MTUS2: variants seen among roughly 807,000 people sequenced by gnomAD.
The protein encoded by MTUS2 is microtubule-associated tumor suppressor candidate 2.
In MTUS2, 40 loss-of-function variants were observed where a neutral mutation model predicts 114.1. The observed-to-expected ratio is 0.35, with a 90% CI of 0.27 to 0.46. The LOEUF is 0.46. Ranked by LOEUF, MTUS2 falls within the 20% of genes least tolerant of loss-of-function variation. The pLI is 1.00. For synonymous variants in MTUS2, 688 were observed against 672.0 expected, an observed-to-expected ratio of 1.02 and a Z score of -0.37; for missense variants, 1,679 against 1,705.4, an observed-to-expected ratio of 0.98 and a Z score of 0.27.
At chr13:29,225,826 A>G (rs1896085495) in intron 5 of MTUS2, among the ~76,000 whole-genome samples, 1 of 152,212 alleles carries the variant, frequency 6.6e-6, no homozygotes, top group South Asian at 2.1e-4. Flanking sequence ...ATAATACAGT[A>G]TTAGTATTGT....
chr13:29,428,147 A>G (rs544526071), intron 8 of MTUS2, among the ~76,000 whole-genome samples: 115 of 152,370 alleles, frequency 7.5e-4, no homozygotes, highest in South Asian at 1.7e-3. Context: ...TTCATCAAAG[A>G]AGGCAAAAAA....
At chr13:28,891,620 C>T (rs1302223839) in intron 2 of MTUS2, among the ~76,000 whole-genome samples, 3 of 151,976 alleles carry the variant, frequency 2.0e-5, no homozygotes, top group Admixed American at 1.3e-4. Flanking sequence ...TGGCTCATGC[C>T]TGTAATCCCA....
At chr13:29,232,957 TC>T (rs766829860) in intron 5 of MTUS2, among the ~76,000 whole-genome samples, 97 of 152,176 alleles carry the variant, frequency 6.4e-4, no homozygotes, top group Non-Finnish European at 1.3e-4. Context: ...CAGTGAATGT[TC>T]CTAAATGTTC....
intron 5 of MTUS2, among the ~76,000 whole-genome samples, chr13:29,135,549 G>T (rs1219425039): frequency 6.6e-6 from 1 of 152,108 alleles, no homozygotes; most frequent in Non-Finnish European, 1.5e-5. Flanking sequence ...GATAAGGAAG[G>T]ACTGAGTTCT....
chr13:29,005,785 G>A (rs776191383), intron 2 of MTUS2, among the ~76,000 whole-genome samples: 33 of 152,268 alleles, frequency 2.2e-4, no homozygotes, highest in Non-Finnish European at 4.4e-4. Context: ...TGTTAACCTA[G>A]GACATAGTCT....
At chr13:29,002,400 T>C (rs1396926759) in intron 2 of MTUS2, among the ~76,000 whole-genome samples, 1 of 152,192 alleles carries the variant, frequency 6.6e-6, no homozygotes, top group African/African-American at 2.4e-5. Flanking sequence ...CCACAATTGA[T>C]ACACTATATA....
intron 2 of MTUS2, among the ~76,000 whole-genome samples, chr13:28,995,102 T>G (rs199937964): frequency 0.013 from 2,031 of 152,336 alleles, 81 homozygotes; most frequent in East Asian, 0.1. Flanking sequence ...GGGATCCAGT[T>G]TCAGCTTTCT....
At chr13:28,904,921 T>G (rs1879890845) in intron 2 of MTUS2, among the ~76,000 whole-genome samples, 2 of 151,666 alleles carry the variant, frequency 1.3e-5, no homozygotes, top group African/African-American at 4.9e-5. Context: ...GTATCCTCTT[T>G]TATTTCATTG....
intron 2 of MTUS2, among the ~76,000 whole-genome samples, chr13:29,008,102 C>G (rs1053492866): frequency 6.6e-6 from 1 of 152,176 alleles, no homozygotes; most frequent in East Asian, 1.9e-4. Context: ...TAGCCATTTC[C>G]TCTTTCTCAT....
chr13:29,297,372 C>G lies in MTUS2; in HGVS notation c.2806+15507C>G, dbSNP rs1593274009. The stretch of plus-strand genomic sequence containing the variant: ...AGATACGTTTGTTAAGAACTGTATG[C>G]ATCATGCAGTATTCTTAGGGCTTTG... On this transcript the variant is annotated intron_variant, in intron 6 of 15. Transcript: ENST00000612955. Among the ~76,000 whole-genome samples the G allele has an allele frequency of 3.3e-5, 5 of 152,258 alleles. 1 individual carries two copies. In the South Asian group the frequency reaches 1.0e-3, roughly 32 times the overall value.
At chr13:29,325,795 G>A (rs190259149) in intron 7 of MTUS2, among the ~76,000 whole-genome samples, 18 of 152,266 alleles carry the variant, frequency 1.2e-4, no homozygotes, top group African/African-American at 4.3e-4. Context: ...GAGACAGGTT[G>A]TATTATTGCC....
At chr13:29,426,472 G>C (rs554801090) in intron 8 of MTUS2, among the ~76,000 whole-genome samples, 1 of 152,312 alleles carries the variant, frequency 6.6e-6, no homozygotes, top group African/African-American at 2.4e-5. Context: ...ATTGTAGTGC[G>C]AATCCAGAAT....
At chr13:28,842,215 T>C (rs974341067) in intron 2 of MTUS2, among the ~76,000 whole-genome samples, 312 of 152,262 alleles carry the variant, frequency 2.0e-3, no homozygotes, top group African/African-American at 7.0e-3. Flanking sequence ...AATGTGGATT[T>C]TTTTTTTAAT....
intron 7 of MTUS2, among the ~76,000 whole-genome samples, chr13:29,329,347 G>A (rs948457885): frequency 6.7e-6 from 1 of 149,982 alleles, no homozygotes; most frequent in Non-Finnish European, 1.5e-5. Flanking sequence ...GTGTCCATAT[G>A]TTCTTGTTAT....
intron 8 of MTUS2, among the ~76,000 whole-genome samples, chr13:29,439,139 T>C (rs1214297051): frequency 2.6e-5 from 4 of 152,222 alleles, no homozygotes; most frequent in Admixed American, 2.6e-4. Flanking sequence ...ACAGAGACTT[T>C]CTTTGAAGGC....
At chr13:28,973,937 T>C (rs1222586227) in intron 2 of MTUS2, among the ~76,000 whole-genome samples, 2 of 152,250 alleles carry the variant, frequency 1.3e-5, no homozygotes, top group African/African-American at 4.8e-5. Context: ...GGTGAAAATG[T>C]AGGTGCCTTC....
intron 5 of MTUS2, among the ~76,000 whole-genome samples, chr13:29,210,472 G>C (rs1895377795): frequency 6.6e-6 from 1 of 152,108 alleles, no homozygotes; most frequent in Admixed American, 6.5e-5. Flanking sequence ...TGGTGAGCTA[G>C]TGTGATCTTT....
Position 29,215,058 on chromosome 13 carries a change from T to G in MTUS2, c.2645-66646T>G, listed in dbSNP as rs139677129. ...ATATTTCTTGGTGGCTTTATTCATTTCTTTTCATTCTTTTTCCTCTAATCT... is the reference window on the plus strand; with the variant it reads ...ATATTTCTTGGTGGCTTTATTCATTGCTTTTCATTCTTTTTCCTCTAATCT... On this transcript the variant is annotated intron_variant, in intron 5 of 15. Transcript: ENST00000612955. Among the ~76,000 whole-genome samples the G allele has an allele frequency of 3.2e-3, 483 of 152,206 alleles. 1 individual carries two copies. The highest frequency in any genetic ancestry group is 0.011 in the African/African-American group (457 of 41,540).
chr13:29,206,005 G>C (rs1008000596), intron 5 of MTUS2, among the ~76,000 whole-genome samples: 12 of 152,106 alleles, frequency 7.9e-5, no homozygotes, highest in African/African-American at 2.9e-4. Context: ...ATAGTGGTTT[G>C]TACTAGTTTA....
Sources: gnomAD v4.1 joint callset for allele counts (sites outside exome capture counted in the v4.1 genomes callset) on GRCh38, gnomAD v4.1.1 for gene constraint, MANE v1.5 for transcripts, NCBI Gene and HGNC (gene_info 2026-07-23, HGNC 2026-07-21) for gene names.